Variants in ZNF182 observed in about 807,000 individuals in gnomAD.
The protein encoded by ZNF182 is zinc finger protein 21 (KOX 14).
A neutral mutation model predicts 28.1 loss-of-function variants in ZNF182; 10 were observed. The ratio of observed to expected loss-of-function variants is 0.36; its 90% CI spans 0.22 to 0.60. ZNF182 has a LOEUF of 0.60. Ranked by LOEUF, ZNF182 falls within the 20% of genes least tolerant of loss-of-function variation. The pLI, the probability that ZNF182 is intolerant of heterozygous loss-of-function variation, is 0.75. For synonymous variants in ZNF182, 156 were observed against 158.7 expected, an observed-to-expected ratio of 0.98 and a Z score of 0.13; for missense variants, 352 against 453.2, an observed-to-expected ratio of 0.78 and a Z score of 2.03.
At chrX:47,979,870 T>TGC (rs1485529417) in intron 5 of ZNF182, among the ~76,000 whole-genome samples, 1 of 84,003 alleles carries the variant, frequency 1.2e-5, no homozygotes, top group Non-Finnish European at 2.3e-5. Context: ...GTGTGGGGTG[T>TGC]GTGTGTGTGT....
At chrX:47,995,985 G>C (rs1326425387) in intron 3 of ZNF182, among the ~76,000 whole-genome samples, 1 of 112,530 alleles carries the variant, frequency 8.9e-6, no homozygotes, top group African/African-American at 3.2e-5. Flanking sequence ...CAGCAGACTT[G>C]CTCTGAAACA....
chrX:47,987,494 GT>G (rs1183879610), intron 3 of ZNF182, among the ~76,000 whole-genome samples: 2 of 112,679 alleles, frequency 1.8e-5, no homozygotes, highest in African/African-American at 6.4e-5. Flanking sequence ...AGTGATGTGG[GT>G]GCAGCAATTC....
chrX:47,976,749 A>G lies in ZNF182; in HGVS notation c.1281T>C (p.Gly427=). The G allele has an allele frequency of 8.3e-7, 1 of 1,211,151 alleles. No homozygotes were observed. Among genetic ancestry groups the G allele is most frequent in the Admixed American group, 2.2e-5 (1 of 45,975 alleles). Residue 427 remains glycine (G), a synonymous_variant, in exon 6 of 6, where the codon GGT becomes GGC. Coordinates refer to ENST00000376943, the MANE Select transcript of ZNF182 (RefSeq NM_001007088.2). ...GKTFTQKSNL[G]VHQRTHSGEK... ...CTCCTGAATGAGTTCTCTGATGTAC[A>G]CCAAGGTTTGACTTTTGCGTGAAGG... is the stretch of plus-strand genomic sequence containing the variant.
In ZNF182 at chrX:47,976,681, T is replaced by C; in HGVS notation, c.1349A>G (p.Gln450Arg). 1 of 1,209,332 alleles carries C rather than the reference T, an allele frequency of 8.3e-7. No homozygotes were observed. Among genetic ancestry groups the C allele is most frequent in the Non-Finnish European group, 1.1e-6 (1 of 894,099 alleles). ...CTGATGCAGCATGAGGTAGGACTTC[T>C]GAGAGAAGGCTTTCTCACATTCATT... ...ECNECEKAFS[Q>R]KSYLMLHQRG... Residue 450 changes from glutamine (Q) to arginine (R), a missense_variant, in exon 6 of 6, where the codon CAG becomes CGG. By Grantham distance (43) the Gln-to-Arg change is conservative. Transcript: ENST00000376943.
chrX:47,978,524 A>G (rs896534636), intron 5 of ZNF182, among the ~76,000 whole-genome samples: 2 of 112,589 alleles, frequency 1.8e-5, no homozygotes, highest in Non-Finnish European at 3.7e-5. Flanking sequence ...TAGCTTGACA[A>G]AAACAAAAAG....
intron 3 of ZNF182, chrX:47,988,551 G>T: frequency 2.0e-6 from 1 of 503,402 alleles, no homozygotes; most frequent in Non-Finnish European, 3.6e-6. Context: ...TCTGCCATGA[G>T]TAGAAGCTTC....
intron 5 of ZNF182, 117 bp downstream of exon 5, chrX:47,982,832 T>G (rs1556899290): frequency 1.5e-6 from 1 of 648,868 alleles, no homozygotes; most frequent in Non-Finnish European, 2.4e-6. Flanking sequence ...CCTCCAACAG[T>G]GCCAAGGGCC....
intron 3 of ZNF182, among the ~76,000 whole-genome samples, chrX:47,990,259 T>A (rs914242618): frequency 9.0e-6 from 1 of 111,326 alleles, no homozygotes; most frequent in African/African-American, 3.3e-5. Flanking sequence ...CCGCGTCTGG[T>A]TACTCAATAA....
rs184173596 is a variant in ZNF182, at chrX:47,993,311, A to G, written c.15+9284T>C. Among the ~76,000 whole-genome samples, 155 of 112,230 alleles carry G rather than the reference A, an allele frequency of 1.4e-3. 1 individual carries two copies. The highest frequency in any genetic ancestry group is 4.8e-3 in the African/African-American group (148 of 30,886). On this transcript the variant is annotated intron_variant, in intron 3 of 5. Coordinates refer to ENST00000376943, the MANE Select transcript of ZNF182 (RefSeq NM_001007088.2). Reference sequence around the variant, plus strand: ...TTGCTCTGTAGAACTCTTCCATTTGACTGTTCCTGAGTTGTATCCACCATA... The same window carrying G: ...TTGCTCTGTAGAACTCTTCCATTTGGCTGTTCCTGAGTTGTATCCACCATA...
In ZNF182 at chrX:47,975,515, G is replaced by GT. The variant is rs35287357; in HGVS notation, c.*651dup. The stretch of plus-strand genomic sequence containing the variant: ...CCAGGGCCACATTCTAAGCAGATCA[G>GT]TTTTTTTTTTTTTTGACAACTGAGA... On this transcript the variant is annotated 3_prime_UTR_variant, in exon 6 of 6. Coordinates refer to ENST00000376943, the MANE Select transcript of ZNF182 (RefSeq NM_001007088.2). 0.098 allele frequency: 9,916 copies of GT among 100,786 alleles called. 1,002 individuals are homozygous for GT. Among genetic ancestry groups the GT allele is most frequent in the African/African-American group, 0.29 (7,924 of 27,678 alleles). The allele number at this position is 100,786 out of a possible 1,213,427, so 8.3% of individuals were successfully genotyped here.
At chrX:47,980,534 T>C (rs2058902028) in intron 5 of ZNF182, among the ~76,000 whole-genome samples, 1 of 112,176 alleles carries the variant, frequency 8.9e-6, no homozygotes, top group Non-Finnish European at 1.9e-5. Context: ...TGTATATATG[T>C]ATCAAAACAT....
intron 3 of ZNF182, among the ~76,000 whole-genome samples, chrX:48,001,177 A>G (rs1055539244): frequency 3.1e-4 from 35 of 112,486 alleles, no homozygotes; most frequent in Admixed American, 1.9e-4. Context: ...ATGACCTAGT[A>G]ATCCAATATT....
intron 3 of ZNF182, among the ~76,000 whole-genome samples, chrX:47,986,176 G>T (rs2058922658): frequency 1.8e-5 from 2 of 112,279 alleles, no homozygotes; most frequent in Admixed American, 1.9e-4. Flanking sequence ...AATCCATTGA[G>T]GTATTTGCTG....
intron 3 of ZNF182, among the ~76,000 whole-genome samples, chrX:47,993,269 C>T (rs1603227397): frequency 8.9e-6 from 1 of 112,462 alleles, no homozygotes; most frequent in Middle Eastern, 4.6e-3. Context: ...GAAGGAAACC[C>T]TGTACCCTCC....
intron 3 of ZNF182, among the ~76,000 whole-genome samples, chrX:47,989,108 G>A (rs1288220776): frequency 8.9e-6 from 1 of 111,965 alleles, no homozygotes; most frequent in African/African-American, 3.2e-5. Flanking sequence ...AGAGAAACAA[G>A]TGATCAAAGT....
rs191788943 is a variant in ZNF182, at chrX:47,994,836, G to A, written c.15+7759C>T. On this transcript the variant is annotated intron_variant, in intron 3 of 5. Coordinates refer to ENST00000376943, the MANE Select transcript of ZNF182 (RefSeq NM_001007088.2). ...GTATTCTTAGTAGAGACAGGGTTTCGCCATGTTGGCCAGGCTGGTCTTGAA... is the reference window on the plus strand; with the variant it reads ...GTATTCTTAGTAGAGACAGGGTTTCACCATGTTGGCCAGGCTGGTCTTGAA... Among the ~76,000 whole-genome samples, 563 of 109,529 alleles carry A rather than the reference G, an allele frequency of 5.1e-3. 4 individuals carry two copies. The highest frequency in any genetic ancestry group is 8.6e-3 in the Non-Finnish European group (449 of 52,295).
At chrX:47,984,942 C>A (rs1381345908) in intron 3 of ZNF182, among the ~76,000 whole-genome samples, 1 of 111,642 alleles carries the variant, frequency 9.0e-6, no homozygotes, top group Non-Finnish European at 1.9e-5. Context: ...TACTACTACA[C>A]ACCTATTAGA....
Position 47,983,344 on chromosome X carries a change from G to T in ZNF182, c.83C>A (p.Pro28Gln), listed in dbSNP as rs868914998. 7 of 1,208,844 alleles carry T rather than the reference G, an allele frequency of 5.8e-6. No homozygotes were observed. The Middle Eastern group carries it at 6.9e-4, about 118-fold the overall frequency. Reference sequence around the variant, plus strand: ...CACGTCTCTGTACAGGGTCCTCTGTGGTGGGTTCAGGTACTGCCACTCCTC... The same window carrying T: ...CACGTCTCTGTACAGGGTCCTCTGTTGTGGGTTCAGGTACTGCCACTCCTC... Reference protein sequence around the residue: ...TQEEWQYLNPPQRTLYRDVML... With the variant: ...TQEEWQYLNPQQRTLYRDVML... The change falls in exon 4 of 6, where the codon CCA (proline) becomes CAA (glutamine). Residue 28 changes from proline (P) to glutamine (Q), a missense_variant. Physicochemically the swap from Pro to Gln is moderately conservative, Grantham distance 76 (BLOSUM62 -1). Coordinates refer to ENST00000376943, the MANE Select transcript of ZNF182 (RefSeq NM_001007088.2).
intron 3 of ZNF182, among the ~76,000 whole-genome samples, chrX:47,999,016 C>A (rs560867): frequency 0.31 from 34,523 of 111,113 alleles, 4,906 homozygotes; most frequent in Non-Finnish European, 0.44. Context: ...CCTCAGTTTC[C>A]ATCAGTGGAT....
Sources: gnomAD v4.1 joint callset for allele counts (sites outside exome capture counted in the v4.1 genomes callset) on GRCh38, gnomAD v4.1.1 for gene constraint, MANE v1.5 for transcripts, NCBI Gene and HGNC (gene_info 2026-07-23, HGNC 2026-07-21) for gene names.